Variants in PCDHA8 observed in about 807,000 individuals in gnomAD.
PCDHA8 encodes protocadherin alpha 8, also known as protocadherin alpha-8.
PCDHA8 carries 53 observed loss-of-function variants against 61.8 expected under a neutral mutation model. The observed-to-expected ratio is 0.86, with a 90% CI of 0.69 to 1.08. The LOEUF is 1.08. PCDHA8 is among the 50% of genes least tolerant of loss of function. The probability of loss-of-function intolerance (pLI) is 0.00; values close to 1 mark genes in which losing one functional copy is unlikely to be tolerated. For synonymous variants in PCDHA8, 618 were observed against 556.6 expected (o/e 1.11, Z -1.55); for missense variants, 1,293 against 1,245.0 (o/e 1.04, Z -0.58).
At chr5:140,876,672 C>T in intron 1 of PCDHA8, 1 of 1,614,208 alleles carries the variant, frequency 6.2e-7, no homozygotes, top group Non-Finnish European at 8.5e-7. Context: ...TGGTGTCCAC[C>T]TACAAGAATT....
At chr5:141,003,938 G>A (rs1195315346) in intron 3 of PCDHA8, among the ~76,000 whole-genome samples, 1 of 152,178 alleles carries the variant, frequency 6.6e-6, no homozygotes, top group Non-Finnish European at 1.5e-5. Flanking sequence ...GTCTTTGCCT[G>A]AGGGTGAGCT....
chr5:140,926,351 C>T (rs1301072681), intron 1 of PCDHA8: 2 of 152,276 alleles, frequency 1.3e-5, no homozygotes, highest in African/African-American at 4.8e-5. Flanking sequence ...CGACGCGCGG[C>T]TCCCAAAGGG....
chr5:140,874,903 C>A (rs543752012), intron 1 of PCDHA8, among the ~76,000 whole-genome samples: 1 of 152,054 alleles, frequency 6.6e-6, no homozygotes, highest in Non-Finnish European at 1.5e-5. Context: ...TAAAATCTTA[C>A]GATGGAGTGC....
chr5:140,967,908 A>G (rs554849478), intron 1 of PCDHA8: 5 of 1,614,138 alleles, frequency 3.1e-6, no homozygotes, highest in East Asian at 2.2e-5. Flanking sequence ...GCTACACCCA[A>G]CACCATTGTG....
At chr5:140,915,466 T>C (rs2077134247) in intron 1 of PCDHA8, among the ~76,000 whole-genome samples, 1 of 152,176 alleles carries the variant, frequency 6.6e-6, no homozygotes, top group South Asian at 2.1e-4. Context: ...AGGTTTTTAT[T>C]TGAAGGAGCT....
At chr5:140,903,725 T>C (rs2070536820) in intron 1 of PCDHA8, among the ~76,000 whole-genome samples, 1 of 152,256 alleles carries the variant, frequency 6.6e-6, no homozygotes. Context: ...TTCTCCCTAT[T>C]ATCAATTATT....
At chr5:140,966,709 G>A (rs1447935100) in intron 1 of PCDHA8, 4 of 1,387,174 alleles carry the variant, frequency 2.9e-6, no homozygotes, top group Non-Finnish European at 2.8e-6. Flanking sequence ...CGTGGGGCAC[G>A]GCTGGGGAAG....
intron 1 of PCDHA8, chr5:140,863,190 G>A (rs782460122): frequency 1.3e-6 from 1 of 798,634 alleles, no homozygotes; most frequent in South Asian, 1.3e-5. Context: ...TCACCGTGGT[G>A]GCGTCGCTGG....
At chr5:140,920,855 A>AC (rs1163764054) in intron 1 of PCDHA8, among the ~76,000 whole-genome samples, 5 of 151,976 alleles carry the variant, frequency 3.3e-5, no homozygotes, top group African/African-American at 4.8e-5. Context: ...AAAAAAAAAA[A>AC]AAACAAACAA....
At chr5:140,928,914 A>C in intron 1 of PCDHA8, 2 of 1,614,136 alleles carry the variant, frequency 1.2e-6, no homozygotes, top group Non-Finnish European at 1.7e-6. Flanking sequence ...GGGAACCAGG[A>C]GGGCAGCTTT....
intron 3 of PCDHA8, among the ~76,000 whole-genome samples, chr5:140,999,615 A>G (rs535054544): frequency 5.3e-5 from 8 of 152,322 alleles, no homozygotes; most frequent in Admixed American, 3.3e-4. Flanking sequence ...GACCTTATCA[A>G]CCAGGAAACA....
chr5:140,900,143 G>C (rs1198470231), intron 1 of PCDHA8, among the ~76,000 whole-genome samples: 2 of 152,156 alleles, frequency 1.3e-5, no homozygotes, highest in African/African-American at 2.4e-5. Flanking sequence ...AAATAAGTAA[G>C]AACATACGAT....
intron 1 of PCDHA8, chr5:140,968,991 G>A: frequency 6.2e-7 from 1 of 1,614,208 alleles, no homozygotes; most frequent in East Asian, 2.2e-5. Context: ...ACTGCATGCT[G>A]TGGAGGCTTC....
chr5:140,877,224 G>T, intron 1 of PCDHA8: 1 of 1,613,712 alleles, frequency 6.2e-7, no homozygotes, highest in Non-Finnish European at 8.5e-7. Flanking sequence ...TACCGCGGTC[G>T]GTGGGTGCGG....
At chr5:140,878,837 A>G (rs6885420) in intron 1 of PCDHA8, among the ~76,000 whole-genome samples, 4 of 152,334 alleles carry the variant, frequency 2.6e-5, no homozygotes, top group Admixed American at 2.6e-4. Context: ...AGGCTGGACT[A>G]GAACTTCTGG....
intron 1 of PCDHA8, among the ~76,000 whole-genome samples, chr5:140,947,308 A>G (rs1554218155): frequency 1.3e-5 from 2 of 151,606 alleles, no homozygotes; most frequent in Non-Finnish European, 3.0e-5. Context: ...ACATCTTTGT[A>G]AAAAGTCGGT....
intron 1 of PCDHA8, chr5:140,852,478 A>G: frequency 5.0e-6 from 1 of 199,118 alleles, no homozygotes. Flanking sequence ...GGGTTTCATC[A>G]TGTTGGCCAG....
chr5:140,873,656 A>G (rs1364222797), intron 1 of PCDHA8, among the ~76,000 whole-genome samples: 2 of 152,120 alleles, frequency 1.3e-5, no homozygotes, highest in Non-Finnish European at 2.9e-5. Flanking sequence ...TACATAACAC[A>G]CTATTATTAT....
At chr5:140,944,197 T>C (rs1404957342) in intron 1 of PCDHA8, among the ~76,000 whole-genome samples, 2 of 152,120 alleles carry the variant, frequency 1.3e-5, no homozygotes, top group Non-Finnish European at 2.9e-5. Context: ...TTTTGTTTTG[T>C]TTTGTTTTTA....
Sources: allele counts gnomAD v4.1 joint callset (sites outside exome capture counted in the v4.1 genomes callset), GRCh38; gene constraint gnomAD v4.1.1; transcripts MANE v1.5; gene names NCBI Gene and HGNC (gene_info 2026-07-23, HGNC 2026-07-21).